Variants in FOLR2 observed in about 807,000 individuals in gnomAD.
FOLR2 encodes folate receptor 2 (fetal).
Under a neutral mutation model 20.4 loss-of-function variants are expected in FOLR2, and 14 were observed. The ratio of observed to expected loss-of-function variants is 0.68; its 90% CI spans 0.45 to 1.07. The LOEUF is 1.07. FOLR2 is among the 50% of genes least tolerant of loss of function. The probability of loss-of-function intolerance (pLI) is 0.00; values close to 1 mark genes in which losing one functional copy is unlikely to be tolerated. For synonymous variants in FOLR2, 114 were observed against 114.3 expected (o/e 1.00, Z 0.02); for missense variants, 269 against 322.6 (o/e 0.83, Z 1.27).
rs566615480 is a variant in FOLR2, at chr11:72,221,901, G to A, written c.*139G>A. ...TCACCCAGTCTGTTGCTGCTCCATG[G>A]TGGGGCCAAGAGTCACTTCTAATAA... On this transcript the variant is annotated 3_prime_UTR_variant, in exon 5 of 5. Transcript: ENST00000298223. The A allele has an allele frequency of 5.5e-6, 4 of 732,192 alleles. No homozygotes were observed. In the South Asian group the frequency reaches 7.5e-5, roughly 14 times the overall value. The allele number at this position is 732,192 out of a possible 1,614,324, so 45.4% of individuals were successfully genotyped here.
Position 72,221,860 on chromosome 11 carries a change from G to C in FOLR2, c.*98G>C. 1 of 1,176,968 alleles carries C rather than the reference G, an allele frequency of 8.5e-7. No homozygotes were observed. The highest frequency in any genetic ancestry group is 1.5e-5 in the South Asian group (1 of 67,386). 72.9% of individuals were successfully genotyped at this position (1,176,968 alleles called of 1,614,324 possible). A position where few individuals can be genotyped will look rare whatever the true frequency, so the allele number is the denominator to read the frequency against. ...CAGCCCCTTAAGCATGCTTCTATTA[G>C]TCACCTAACCCTCTGTCACCCAGTC... On this transcript the variant is annotated 3_prime_UTR_variant, in exon 5 of 5. Coordinates refer to ENST00000298223, the MANE Select transcript of FOLR2 (RefSeq NM_000803.5).
intron 2 of FOLR2, 21 bp from the exon 3 acceptor site, chr11:72,220,849 T>A: frequency 6.2e-7 from 1 of 1,613,606 alleles, no homozygotes; most frequent in South Asian, 1.1e-5. Context: ...AGGCACTTAG[T>A]CCTGTGTCTT....
chr11:72,218,741 C>A lies in FOLR2; in HGVS notation c.150+7C>A, dbSNP rs772146692. The A allele has an allele frequency of 1.2e-6, 2 of 1,607,574 alleles. No individual in the cohort carries two copies. The highest frequency in any genetic ancestry group is 3.4e-5 in the Admixed American group (2 of 58,998). Reference sequence around the variant, plus strand: ...GGACAAGCTGCATGACCAAGTACGGCTGGAGTGTGCCTCTGCTAAGGAGGG... The same window carrying A: ...GGACAAGCTGCATGACCAAGTACGGATGGAGTGTGCCTCTGCTAAGGAGGG... On this transcript the variant is annotated splice_region_variant and intron_variant, in intron 2 of 4. Transcript: ENST00000298223.
In FOLR2 at chr11:72,221,197, G is replaced by A. The variant is rs1274706885; in HGVS notation, c.361G>A (p.Glu121Lys). 1 of 1,612,948 alleles carries A rather than the reference G, an allele frequency of 6.2e-7. No individual in the cohort carries two copies. Among genetic ancestry groups the A allele is most frequent in the East Asian group, 2.2e-5 (1 of 44,848 alleles). ...CCAGGTGAATCAGAGCTGGCGCAAAGAACGCTTCCTGGATGTGCCCTTATG... is the reference window on the plus strand; with the variant it reads ...CCAGGTGAATCAGAGCTGGCGCAAAAAACGCTTCCTGGATGTGCCCTTATG... ...IQQVNQSWRK[E>K]RFLDVPLCKE... Residue 121 changes from glutamate (E) to lysine (K), a missense_variant, in exon 4 of 5, where the codon GAA becomes AAA. By Grantham distance (56) the Glu-to-Lys change is moderately conservative (BLOSUM62 1). Coordinates refer to ENST00000298223, the MANE Select transcript of FOLR2 (RefSeq NM_000803.5).
In FOLR2 at chr11:72,221,604, A is replaced by T; in HGVS notation, c.610A>T (p.Ile204Phe). ...CTACAGCCGAGGGAGCGGCCGCTGC[A>T]TCCAGATGTGGTTTGATTCAGCCCA... ...SNYSRGSGRC[I>F]QMWFDSAQGN... Residue 204 changes from isoleucine (I) to phenylalanine (F), a missense_variant, in exon 5 of 5, where the codon ATC becomes TTC. Physicochemically the swap from Ile to Phe is conservative, Grantham distance 21. Transcript: ENST00000298223. 1.9e-6 allele frequency: 3 copies of T among 1,614,208 alleles called. No individual in the cohort carries two copies. The highest frequency in any genetic ancestry group is 2.5e-6 in the Non-Finnish European group (3 of 1,180,042).
chr11:72,221,067 T>TCGGGGGGGGGGGGCGCCCCCCCCCCCCC lies in FOLR2; in HGVS notation c.339+10_339+11insGGGGGGGGGGGGCGCCCCCCCCCCCCCC. On this transcript the variant is annotated intron_variant, in intron 3 of 4. Coordinates refer to ENST00000298223, the MANE Select transcript of FOLR2 (RefSeq NM_000803.5). ...GGCCCTGGATCCAGCAGGTAGGGTGTCTCCCCCCCACCCACCCCAGCAGAC... is the reference window on the plus strand; with the variant it reads ...GGCCCTGGATCCAGCAGGTAGGGTGTCGGGGGGGGGGGGCGCCCCCCCCCCCCCCTCCCCCCCACCCACCCCAGCAGAC... 1 of 1,570,100 alleles carries TCGGGGGGGGGGGGCGCCCCCCCCCCCCC rather than the reference T, an allele frequency of 6.4e-7. No homozygotes were observed. Among genetic ancestry groups the TCGGGGGGGGGGGGCGCCCCCCCCCCCCC allele is most frequent in the Non-Finnish European group, 8.7e-7 (1 of 1,154,902 alleles).
chr11:72,217,072 T>G (rs1419910704), intron 1 of FOLR2, 147 bp downstream of exon 1: 9 of 909,082 alleles, frequency 9.9e-6, no homozygotes, highest in African/African-American at 3.3e-5. Context: ...TCACCCAGGC[T>G]GGAGTGCAGT....
intron 4 of FOLR2, 52 bp from the exon 5 acceptor site, chr11:72,221,418 A>G (rs1948491158): frequency 6.3e-7 from 1 of 1,597,758 alleles, no homozygotes. Flanking sequence ...GCCAGAAATG[A>G]GCTTTGGGCC....
In FOLR2 at chr11:72,221,597, C is replaced by T. The variant is rs773825113; in HGVS notation, c.603C>T (p.Gly201=). ...YKVSNYSRGS[G]RCIQMWFDSA... is the part of the protein sequence containing the mutation. ...TCAGCAACTACAGCCGAGGGAGCGG[C>T]CGCTGCATCCAGATGTGGTTTGATT... Residue 201 remains glycine (G), a synonymous_variant, in exon 5 of 5, where the codon GGC becomes GGT. Transcript: ENST00000298223. 9.9e-6 allele frequency: 16 copies of T among 1,614,202 alleles called. No individual in the cohort carries two copies. The highest frequency in any genetic ancestry group is 1.4e-5 in the Non-Finnish European group (16 of 1,180,038).
chr11:72,221,583 A>G lies in FOLR2; in HGVS notation c.589A>G (p.Ser197Gly), dbSNP rs757042833. 7.4e-6 allele frequency: 12 copies of G among 1,614,066 alleles called. No individual in the cohort carries two copies. In the East Asian group the frequency reaches 2.5e-4, roughly 33 times the overall value. The change falls in exon 5 of 5, where the codon AGC (serine) becomes GGC (glycine). Residue 197 changes from serine (S) to glycine (G), a missense_variant. By Grantham distance (56) the Ser-to-Gly change is moderately conservative. Transcript: ENST00000298223. ...TCACTCATACAAGGTCAGCAACTAC[A>G]GCCGAGGGAGCGGCCGCTGCATCCA... ...WSHSYKVSNYSRGSGRCIQMW... is the reference protein window; with the variant it reads ...WSHSYKVSNYGRGSGRCIQMW...
In FOLR2 at chr11:72,221,067, T is replaced by TCGGGGGGGGGGGGCCCCCCCCCCC; in HGVS notation, c.339+10_339+11insGGGGGGGGGGGGCCCCCCCCCCCC. 1.0e-5 allele frequency: 16 copies of TCGGGGGGGGGGGGCCCCCCCCCCC among 1,569,784 alleles called. No homozygotes were observed. The highest frequency in any genetic ancestry group is 1.3e-5 in the Non-Finnish European group (15 of 1,154,636). ...GGCCCTGGATCCAGCAGGTAGGGTG[T>TCGGGGGGGGGGGGCCCCCCCCCCC]CTCCCCCCCACCCACCCCAGCAGAC... On this transcript the variant is annotated intron_variant, in intron 3 of 4. Transcript: ENST00000298223.
chr11:72,220,811 G>C, intron 2 of FOLR2, 59 bp from the exon 3 acceptor site: 1 of 1,603,582 alleles, frequency 6.2e-7, no homozygotes. Flanking sequence ...GGAGAGACAC[G>C]AGGTGGCAGG....
At chr11:72,218,075 C>A (rs912233885) in intron 1 of FOLR2, among the ~76,000 whole-genome samples, 2 of 152,194 alleles carry the variant, frequency 1.3e-5, no homozygotes, top group Non-Finnish European at 2.9e-5. Flanking sequence ...GATCCTCATG[C>A]TGATCTGAGA....
At position 72,221,034 on chromosome 11, in the gene FOLR2, C is replaced by G; in HGVS notation, c.315C>G (p.Pro105=). 6.2e-7 allele frequency: 1 copy of G among 1,613,628 alleles called. No homozygotes were observed. Among genetic ancestry groups the G allele is most frequent in the Non-Finnish European group, 8.5e-7 (1 of 1,179,844 alleles). Residue 105 remains proline (P), a synonymous_variant, in exon 3 of 5, where the codon CCC becomes CCG. Coordinates refer to ENST00000298223, the MANE Select transcript of FOLR2 (RefSeq NM_000803.5). ...ACACCTGTCTCTATGAGTGCTCACC[C>G]AACCTGGGGCCCTGGATCCAGCAGG... is the stretch of plus-strand genomic sequence containing the variant. The part of the protein sequence containing the change: ...IQDTCLYECS[P]NLGPWIQQVN...
At position 72,221,064 on chromosome 11, in the gene FOLR2, G is replaced by A. The variant is rs779399069; in HGVS notation, c.339+6G>A. On this transcript the variant is annotated splice_donor_region_variant and intron_variant, in intron 3 of 4. Transcript: ENST00000298223. ...TGGGGCCCTGGATCCAGCAGGTAGG[G>A]TGTCTCCCCCCCACCCACCCCAGCA... The A allele has an allele frequency of 1.2e-5, 19 of 1,601,718 alleles. No individual in the cohort carries two copies. The highest frequency in any genetic ancestry group is 3.4e-5 in the South Asian group (3 of 89,092).
At chr11:72,217,549 A>G in intron 1 of FOLR2, 1 of 452,910 alleles carries the variant, frequency 2.2e-6, no homozygotes, top group Non-Finnish European at 4.1e-6. Flanking sequence ...AAGGGCAGCA[A>G]TGAACAGAGG....
chr11:72,217,671 A>C (rs564264685), intron 1 of FOLR2, among the ~76,000 whole-genome samples: 1 of 152,260 alleles, frequency 6.6e-6, no homozygotes, highest in Non-Finnish European at 1.5e-5. Flanking sequence ...GTCTCTCTGC[A>C]TTTTTAAAAA....
In FOLR2 at chr11:72,221,312, G is replaced by A. The variant is rs769940108; in HGVS notation, c.475+1G>A. The A allele has an allele frequency of 6.8e-6, 11 of 1,613,440 alleles. No individual in the cohort carries two copies. The South Asian group carries it at 1.1e-4, about 16-fold the overall frequency. On this transcript the variant is annotated splice_donor_variant, in intron 4 of 4. Coordinates refer to ENST00000298223, the MANE Select transcript of FOLR2 (RefSeq NM_000803.5). LOFTEE classifies it high-confidence loss of function. ...CACAGAGGATGGGACTGGACCTCAGGTGAGGGTGATTGAGTTGGGGTTAGG... is the reference window on the plus strand; with the variant it reads ...CACAGAGGATGGGACTGGACCTCAGATGAGGGTGATTGAGTTGGGGTTAGG...
Position 72,221,591 on chromosome 11 carries a change from G to T in FOLR2, c.597G>T (p.Gly199=). The T allele has an allele frequency of 6.2e-7, 1 of 1,614,188 alleles. No individual in the cohort carries two copies. Among genetic ancestry groups the T allele is most frequent in the Non-Finnish European group, 8.5e-7 (1 of 1,180,032 alleles). The part of the protein sequence containing the change: ...HSYKVSNYSR[G]SGRCIQMWFD... ...ACAAGGTCAGCAACTACAGCCGAGG[G>T]AGCGGCCGCTGCATCCAGATGTGGT... The change falls in exon 5 of 5, where the codon GGG becomes GGT. Residue 199 remains glycine (G), a synonymous_variant. Transcript: ENST00000298223.
Sources: gnomAD v4.1 joint callset for allele counts (sites outside exome capture counted in the v4.1 genomes callset) on GRCh38, gnomAD v4.1.1 for gene constraint, MANE v1.5 for transcripts, NCBI Gene and HGNC (gene_info 2026-07-23, HGNC 2026-07-21) for gene names.